KCNN2: variants seen among roughly 807,000 people sequenced by gnomAD.
KCNN2 encodes potassium calcium-activated channel subfamily N member 2.
Under a neutral mutation model 55.5 loss-of-function variants are expected in KCNN2, and 24 were observed. That is an observed-to-expected ratio of 0.43 (90% CI 0.31 to 0.61). The LOEUF (loss-of-function observed/expected upper bound fraction) is 0.61. Ranked by LOEUF, KCNN2 falls within the 20% of genes least tolerant of loss-of-function variation. The pLI, the probability that KCNN2 is intolerant of heterozygous loss-of-function variation, is 0.08. For synonymous variants in KCNN2, 431 were observed against 336.1 expected, an observed-to-expected ratio of 1.28 and a Z score of -3.09; for missense variants, 754 against 853.6, an observed-to-expected ratio of 0.88 and a Z score of 1.45.
chr5:114,451,994 C>CT (rs150623064), intron 3 of KCNN2, among the ~76,000 whole-genome samples: 7,874 of 151,880 alleles, frequency 0.052, 660 homozygotes, highest in African/African-American at 0.18. Context: ...TGCTGCTTCT[C>CT]TTTGTTTACT....
Position 114,224,876 on chromosome 5 carries a change from T to A in KCNN2, c.-185+3311T>A, listed in dbSNP as rs1039592093. On this transcript the variant is annotated intron_variant, in intron 2 of 10. Coordinates refer to the KCNN2 transcript ENST00000512097. The stretch of plus-strand genomic sequence containing the variant: ...GGTGTCTGTTCATGTCTTTCGCCCA[T>A]TTTTTGATGGGGTTGTTTTTTGCTT... Among the ~76,000 whole-genome samples, 5 of 152,144 alleles carry A rather than the reference T, an allele frequency of 3.3e-5. No homozygotes were observed. In the South Asian group the frequency reaches 1.0e-3, roughly 32 times the overall value.
At chr5:114,259,625 TAAA>T (rs369748913) in intron 2 of KCNN2, among the ~76,000 whole-genome samples, 1 of 147,516 alleles carries the variant, frequency 6.8e-6, no homozygotes, top group Non-Finnish European at 1.5e-5. Context: ...ATAATAATAA[TAAA>T]AAAAAAAGTC....
chr5:114,422,263 T>C (rs1759493302), intron 3 of KCNN2, among the ~76,000 whole-genome samples: 1 of 152,152 alleles, frequency 6.6e-6, no homozygotes, highest in African/African-American at 2.4e-5. Context: ...AGTGTGATAA[T>C]ATTTAAAACT....
chr5:114,275,519 A>T (rs1177053729), intron 2 of KCNN2, among the ~76,000 whole-genome samples: 1 of 151,672 alleles, frequency 6.6e-6, no homozygotes, highest in Admixed American at 6.6e-5. Flanking sequence ...AGAACCTGTT[A>T]TTTGTCTATT....
intron 2 of KCNN2, among the ~76,000 whole-genome samples, chr5:114,244,514 T>C (rs1270791160): frequency 6.6e-6 from 1 of 151,786 alleles, no homozygotes; most frequent in Non-Finnish European, 1.5e-5. Flanking sequence ...GGAGAATTGC[T>C]TGAACCCGGG....
intron 2 of KCNN2, among the ~76,000 whole-genome samples, chr5:114,393,937 T>G (rs927454360): frequency 1.3e-5 from 2 of 151,594 alleles, no homozygotes; most frequent in Non-Finnish European, 2.9e-5. Flanking sequence ...ATTTCCAGTT[T>G]TTTGCTAATA....
chr5:114,209,861 C>G (rs555913106), intron 1 of KCNN2, among the ~76,000 whole-genome samples: 2 of 152,164 alleles, frequency 1.3e-5, no homozygotes, highest in South Asian at 4.1e-4. Flanking sequence ...TAAATACATT[C>G]ATTCCTCATT....
intron 2 of KCNN2, among the ~76,000 whole-genome samples, chr5:114,325,592 C>T (rs1457247327): frequency 6.6e-6 from 1 of 152,140 alleles, no homozygotes; most frequent in African/African-American, 2.4e-5. Context: ...AATCGTCAGC[C>T]ATCTCAGCAA....
intron 6 of KCNN2, among the ~76,000 whole-genome samples, chr5:114,492,227 T>C (rs947121462): frequency 1.3e-5 from 2 of 152,170 alleles, no homozygotes; most frequent in South Asian, 2.1e-4. Context: ...CTGAACATTA[T>C]GAACGTATTA....
At chr5:114,312,594 C>T (rs1161559209) in intron 2 of KCNN2, among the ~76,000 whole-genome samples, 2 of 151,260 alleles carry the variant, frequency 1.3e-5, no homozygotes, top group African/African-American at 4.9e-5. Flanking sequence ...TGTCTAAGCC[C>T]TTCTAAGTGT....
At chr5:114,254,346 G>A (rs1754940509) in intron 2 of KCNN2, among the ~76,000 whole-genome samples, 1 of 152,126 alleles carries the variant, frequency 6.6e-6, no homozygotes, top group African/African-American at 2.4e-5. Flanking sequence ...TCTGAATCCT[G>A]TATATGCACA....
At chr5:114,348,746 T>C (rs770387763) in intron 2 of KCNN2, among the ~76,000 whole-genome samples, 4 of 152,188 alleles carry the variant, frequency 2.6e-5, no homozygotes, top group East Asian at 1.9e-4. Flanking sequence ...GCATAGATGA[T>C]AGTCACTTAT....
At chr5:114,283,140 C>G (rs534424105) in intron 2 of KCNN2, among the ~76,000 whole-genome samples, 1 of 152,186 alleles carries the variant, frequency 6.6e-6, no homozygotes, top group South Asian at 2.1e-4. Flanking sequence ...TTGCTTCTGC[C>G]TCATTTTTCT....
chr5:114,166,965 G>A (rs1329863172), intron 1 of KCNN2, among the ~76,000 whole-genome samples: 2 of 152,144 alleles, frequency 1.3e-5, no homozygotes, highest in Non-Finnish European at 2.9e-5. Flanking sequence ...TCAGACAGCG[G>A]ATCTGCCAGC....
At chr5:114,254,469 T>C (rs747539945) in intron 2 of KCNN2, among the ~76,000 whole-genome samples, 1 of 152,180 alleles carries the variant, frequency 6.6e-6, no homozygotes, top group Non-Finnish European at 1.5e-5. Context: ...CAGATACATT[T>C]AAAATACACC....
chr5:114,252,775 G>A (rs1754895361), intron 2 of KCNN2, among the ~76,000 whole-genome samples: 1 of 147,308 alleles, frequency 6.8e-6, no homozygotes, highest in Admixed American at 6.8e-5. Context: ...TGTGTAGCAT[G>A]TGTGTGTGTG....
At chr5:114,334,730 A>G (rs981337271) in intron 2 of KCNN2, among the ~76,000 whole-genome samples, 3 of 152,122 alleles carry the variant, frequency 2.0e-5, no homozygotes, top group African/African-American at 7.2e-5. Flanking sequence ...CTAAAGTACT[A>G]ATACTATGTA....
At chr5:114,174,341 A>G (rs556691162) in intron 1 of KCNN2, among the ~76,000 whole-genome samples, 93 of 152,242 alleles carry the variant, frequency 6.1e-4, no homozygotes, top group African/African-American at 2.2e-3. Context: ...TTGCTTTCTG[A>G]CTAAGCAGTG....
chr5:114,162,855 G>A (rs558673276), intron 1 of KCNN2, among the ~76,000 whole-genome samples: 6 of 152,244 alleles, frequency 3.9e-5, no homozygotes, highest in East Asian at 1.9e-4. Flanking sequence ...TTGGAAAAGC[G>A]CAGTATTAGG....
Sources: gnomAD v4.1 joint callset for allele counts (sites outside exome capture counted in the v4.1 genomes callset) on GRCh38, gnomAD v4.1.1 for gene constraint, MANE v1.5 for transcripts, NCBI Gene and HGNC (gene_info 2026-07-23, HGNC 2026-07-21) for gene names.